Variants in BMPER observed in about 807,000 individuals in gnomAD.
The protein encoded by BMPER is BMP binding endothelial regulator.
Under a neutral mutation model 87.3 loss-of-function variants are expected in BMPER, and 45 were observed. That is an observed-to-expected ratio of 0.52 (90% CI 0.41 to 0.66). The LOEUF (loss-of-function observed/expected upper bound fraction) is 0.66. Among genes scored for constraint, BMPER ranks in the 30% least tolerant of loss-of-function variants. The pLI is 0.00. For missense variants in BMPER, 784 were observed against 867.5 expected, an observed-to-expected ratio of 0.90 and a Z score of 1.21; for synonymous variants, 326 against 316.2, an observed-to-expected ratio of 1.03 and a Z score of -0.33.
intron 6 of BMPER, among the ~76,000 whole-genome samples, chr7:34,016,727 G>A (rs1181807479): frequency 6.6e-6 from 1 of 151,914 alleles, no homozygotes; most frequent in African/African-American, 2.4e-5. Context: ...TTTTATTTGA[G>A]TAACGCCCTC....
chr7:33,938,183 G>C (rs182736215), intron 3 of BMPER, among the ~76,000 whole-genome samples: 24 of 152,268 alleles, frequency 1.6e-4, no homozygotes, highest in South Asian at 8.3e-4. Flanking sequence ...TGTCAATAGC[G>C]CTTCACAGTG....
intron 13 of BMPER, among the ~76,000 whole-genome samples, chr7:34,132,396 A>G (rs555845035): frequency 6.8e-6 from 1 of 146,150 alleles, no homozygotes; most frequent in African/African-American, 2.6e-5. Context: ...TCCCCACCAC[A>G]CCCCAAAGGC....
At chr7:34,116,725 C>T (rs1029233509) in intron 13 of BMPER, among the ~76,000 whole-genome samples, 2 of 152,222 alleles carry the variant, frequency 1.3e-5, no homozygotes, top group African/African-American at 4.8e-5. Context: ...CGCTGTGGCT[C>T]ACGCCTGTAA....
rs182950607 is a variant in BMPER, at chr7:34,140,643, T to C, written c.1746-2587T>C. 6.5e-4 allele frequency among the ~76,000 whole-genome samples: 44 copies of C among 67,636 alleles called. 1 individual carries two copies. The East Asian group carries it at 0.046, about 71-fold the overall frequency. The allele number at this position is 67,636 out of a possible 152,430, so 44.4% of individuals were successfully genotyped here. Reference sequence around the variant, plus strand: ...CAATGTGTGCTGAAAACATTTTCTCTCAACAGTCTCAATGATTGGATTTAG... The same window carrying C: ...CAATGTGTGCTGAAAACATTTTCTCCCAACAGTCTCAATGATTGGATTTAG... On this transcript the variant is annotated intron_variant, in intron 13 of 14. Coordinates refer to ENST00000649409, the MANE Select transcript of BMPER (RefSeq NM_001365308.1).
intron 13 of BMPER, among the ~76,000 whole-genome samples, chr7:34,123,759 A>T (rs1451439691): frequency 6.6e-6 from 1 of 152,224 alleles, no homozygotes; most frequent in African/African-American, 2.4e-5. Context: ...ATATGTTTAT[A>T]TTCTAAGAAT....
chr7:33,927,165 T>C (rs1784379122), intron 2 of BMPER, among the ~76,000 whole-genome samples: 1 of 152,222 alleles, frequency 6.6e-6, no homozygotes, highest in Non-Finnish European at 1.5e-5. Flanking sequence ...GGATGTCAGC[T>C]CCATTTACTT....
intron 13 of BMPER, among the ~76,000 whole-genome samples, chr7:34,092,307 C>G (rs1946145): frequency 6.6e-6 from 1 of 151,966 alleles, no homozygotes; most frequent in African/African-American, 2.4e-5. Context: ...CTACCTCTGC[C>G]TATTTATAAT....
intron 13 of BMPER, among the ~76,000 whole-genome samples, chr7:34,107,916 A>G (rs1033859270): frequency 6.6e-6 from 1 of 152,200 alleles, no homozygotes; most frequent in African/African-American, 2.4e-5. Context: ...CAATCTCCTT[A>G]TCTATAAAAT....
At chr7:34,102,739 C>T (rs563064836) in intron 13 of BMPER, among the ~76,000 whole-genome samples, 1 of 152,280 alleles carries the variant, frequency 6.6e-6, no homozygotes, top group African/African-American at 2.4e-5. Context: ...CTGCTAGGCT[C>T]AGGGGACACA....
intron 6 of BMPER, among the ~76,000 whole-genome samples, chr7:34,035,690 A>G (rs1455745222): frequency 1.3e-5 from 2 of 152,320 alleles, no homozygotes; most frequent in African/African-American, 2.4e-5. Context: ...ACTGAAAACC[A>G]AACACTTCTG....
intron 14 of BMPER, among the ~76,000 whole-genome samples, chr7:34,150,817 T>TC (rs1208221835): frequency 6.6e-6 from 1 of 152,114 alleles, no homozygotes; most frequent in Admixed American, 6.5e-5. Context: ...AGAACAGTGT[T>TC]CCCCTCTAGT....
chr7:33,976,316 C>A (rs1785686814), intron 6 of BMPER, among the ~76,000 whole-genome samples: 1 of 152,046 alleles, frequency 6.6e-6, no homozygotes, highest in Admixed American at 6.6e-5. Context: ...CCAGGCCTGG[C>A]TAATTTTTGT....
intron 12 of BMPER, among the ~76,000 whole-genome samples, chr7:34,082,361 T>C (rs1278982389): frequency 1.4e-5 from 2 of 142,532 alleles, no homozygotes; most frequent in Non-Finnish European, 3.1e-5. Context: ...CTTTCACTAC[T>C]GTAATCTACT....
intron 3 of BMPER, among the ~76,000 whole-genome samples, chr7:33,940,238 A>G (rs1385719217): frequency 2.0e-5 from 3 of 152,152 alleles, no homozygotes; most frequent in East Asian, 1.9e-4. Flanking sequence ...ATTTTTTCCT[A>G]CTTAACATTA....
intron 1 of BMPER, 21 bp downstream of exon 1, chr7:33,905,767 G>A (rs745568557): frequency 3.3e-6 from 3 of 914,080 alleles, no homozygotes; most frequent in Non-Finnish European, 5.0e-6. Context: ...GGGCGGGAGG[G>A]ACCGGCCCTC....
chr7:33,947,408 A>G (rs910902407), intron 3 of BMPER, among the ~76,000 whole-genome samples: 15 of 152,176 alleles, frequency 9.9e-5, no homozygotes, highest in African/African-American at 3.6e-4. Context: ...GATTGAAAAA[A>G]AAGTCTTTCA....
At chr7:34,118,527 C>T (rs1790175081) in intron 13 of BMPER, among the ~76,000 whole-genome samples, 1 of 151,984 alleles carries the variant, frequency 6.6e-6, no homozygotes, top group Non-Finnish European at 1.5e-5. Context: ...GGAAGCATTA[C>T]CTTGGATGAG....
intron 13 of BMPER, among the ~76,000 whole-genome samples, chr7:34,095,735 C>G (rs111981092): frequency 1.2e-3 from 48 of 38,728 alleles, no homozygotes; most frequent in African/African-American, 3.6e-3. Context: ...TACAGAACTT[C>G]CAGGCATGAT....
chr7:33,943,673 T>G (rs1260437408), intron 3 of BMPER, among the ~76,000 whole-genome samples: 1 of 151,930 alleles, frequency 6.6e-6, no homozygotes, highest in Non-Finnish European at 1.5e-5. Context: ...TCCCTGAGAG[T>G]TTTTAAGCCC....
Sources: gnomAD v4.1 joint callset for allele counts (sites outside exome capture counted in the v4.1 genomes callset) on GRCh38, gnomAD v4.1.1 for gene constraint, MANE v1.5 for transcripts, NCBI Gene and HGNC (gene_info 2026-07-23, HGNC 2026-07-21) for gene names.